The following PDS5A variants were observed in gnomAD, a reference collection of about 807,000 sequenced individuals.
PDS5A encodes the protein sister chromatid cohesion protein PDS5 homolog A.
PDS5A carries 42 observed loss-of-function variants against 167.1 expected under a neutral mutation model. The ratio of observed to expected loss-of-function variants is 0.25; its 90% confidence interval spans 0.20 to 0.33. The LOEUF is 0.33. PDS5A is among the 10% of genes least tolerant of loss of function. The pLI is 1.00. For missense variants in PDS5A, 1,033 were observed against 1,605.9 expected (o/e 0.64, Z 6.10); for synonymous variants, 553 against 554.6 (o/e 1.00, Z 0.04).
chr4:39,918,531 T>C (rs1211068242), intron 7 of PDS5A, among the ~76,000 whole-genome samples: 1 of 152,090 alleles, frequency 6.6e-6, no homozygotes, highest in Non-Finnish European at 1.5e-5. Flanking sequence ...GTATCATAAG[T>C]TGAAAAGCAG....
chr4:39,912,756 GA>G (rs1724003054), intron 9 of PDS5A, among the ~76,000 whole-genome samples: 3 of 152,262 alleles, frequency 2.0e-5, no homozygotes, highest in Admixed American at 1.3e-4. Context: ...GAAATTTAAT[GA>G]ATTTCATAAA....
At chr4:39,825,893 A>G (rs907290045) in intron 32 of PDS5A, among the ~76,000 whole-genome samples, 1 of 152,166 alleles carries the variant, frequency 6.6e-6, no homozygotes, top group Non-Finnish European at 1.5e-5. Flanking sequence ...GGCATGAGTC[A>G]CTGTGCTTGG....
intron 32 of PDS5A, among the ~76,000 whole-genome samples, chr4:39,833,839 G>T (rs1716145286): frequency 6.6e-6 from 1 of 152,174 alleles, no homozygotes; most frequent in Non-Finnish European, 1.5e-5. Context: ...ATTTCAACTG[G>T]TTCAGCTTAC....
At chr4:39,912,513 G>A (rs1213915879) in intron 9 of PDS5A, among the ~76,000 whole-genome samples, 1 of 152,162 alleles carries the variant, frequency 6.6e-6, no homozygotes, top group Non-Finnish European at 1.5e-5. Context: ...AAAATGGCGT[G>A]TTCTGGGCAA....
chr4:39,938,112 CT>C (rs1336573382), intron 2 of PDS5A, among the ~76,000 whole-genome samples: 4 of 152,204 alleles, frequency 2.6e-5, no homozygotes, highest in Non-Finnish European at 5.9e-5. Context: ...CTATACCTCA[CT>C]TTCGTTTTCT....
At chr4:39,850,324 C>T (rs1718019079) in intron 26 of PDS5A, among the ~76,000 whole-genome samples, 3 of 148,706 alleles carry the variant, frequency 2.0e-5, no homozygotes, top group Admixed American at 2.0e-4. Flanking sequence ...CCCATCTCTA[C>T]AAAAAAAATA....
intron 31 of PDS5A, among the ~76,000 whole-genome samples, chr4:39,840,044 A>G (rs542453712): frequency 1.1e-4 from 17 of 152,184 alleles, no homozygotes; most frequent in African/African-American, 4.1e-4. Flanking sequence ...CAGTGAGCTG[A>G]GATTGTGCCA....
rs550035599 is a variant in PDS5A, at chr4:39,931,374, A to G, written c.139-3210T>C. Among the ~76,000 whole-genome samples the G allele has an allele frequency of 8.5e-5, 13 of 152,282 alleles. No homozygotes were observed. In the East Asian group the frequency reaches 2.1e-3, roughly 25 times the overall value. ...CCCCAAAACTCAGTGCCTTAAAACA[A>G]TAACATGTATTTATCATATGTGGTT... On this transcript the variant is annotated intron_variant, in intron 2 of 32. Transcript: ENST00000303538.
At chr4:39,973,260 T>C (rs1454677351) in intron 2 of PDS5A, 29 of 1,565,800 alleles carry the variant, frequency 1.9e-5, no homozygotes, top group Non-Finnish European at 2.6e-5. Flanking sequence ...ATATGAACAT[T>C]TGCTTTTGCT....
intron 2 of PDS5A, among the ~76,000 whole-genome samples, chr4:39,962,623 G>T (rs1729593853): frequency 6.6e-6 from 1 of 151,546 alleles, no homozygotes; most frequent in African/African-American, 2.4e-5. Context: ...GGCCAACATG[G>T]TGAAACCCCG....
At position 39,908,434 on chromosome 4, in the gene PDS5A, C is replaced by G; in HGVS notation, c.1194G>C (p.Gln398His). 1 of 1,613,260 alleles carries G rather than the reference C, an allele frequency of 6.2e-7. No individual in the cohort carries two copies. The highest frequency in any genetic ancestry group is 8.5e-7 in the Non-Finnish European group (1 of 1,179,282). The change falls in exon 11 of 33, where the codon CAG becomes CAC. Residue 398 changes from glutamine to histidine, a missense_variant. Transcript: ENST00000303538. ...AKRDLALVNDQLLGFVRERTL... is the reference protein window; with the variant it reads ...AKRDLALVNDHLLGFVRERTL... ...TTCTTTCCCTTACAAAGCCAAGCAGCTGATCATTTACTAAGGCCAGGTCCC... is the reference window on the plus strand; with the variant it reads ...TTCTTTCCCTTACAAAGCCAAGCAGGTGATCATTTACTAAGGCCAGGTCCC...
chr4:39,906,815 A>AT lies in PDS5A; in HGVS notation c.1233+1579dup, dbSNP rs965541378. On this transcript the variant is annotated intron_variant, in intron 11 of 32. Coordinates refer to ENST00000303538, the MANE Select transcript of PDS5A (RefSeq NM_001100399.2). ...TATTTAAGTCAATACTTCTTTATAAATTTTTTTGTATCATTTTCTCATTTT... is the reference window on the plus strand; with the variant it reads ...TATTTAAGTCAATACTTCTTTATAAATTTTTTTTGTATCATTTTCTCATTTT... 2.0e-5 allele frequency among the ~76,000 whole-genome samples: 3 copies of AT among 149,516 alleles called. No homozygotes were observed. The East Asian group carries it at 5.9e-4, about 29-fold the overall frequency.
At chr4:39,895,311 T>C (rs892663046) in intron 16 of PDS5A, among the ~76,000 whole-genome samples, 4 of 151,998 alleles carry the variant, frequency 2.6e-5, no homozygotes, top group Non-Finnish European at 4.4e-5. Flanking sequence ...ACTTCTATGC[T>C]ACAAAATTGT....
chr4:39,840,691 G>A (rs1340107077), intron 31 of PDS5A, among the ~76,000 whole-genome samples: 1 of 151,938 alleles, frequency 6.6e-6, no homozygotes, highest in Non-Finnish European at 1.5e-5. Flanking sequence ...CCACTGCGCC[G>A]GGTCGCCTCC....
In PDS5A at chr4:39,925,939, A is replaced by G. The variant is rs1215554070; in HGVS notation, c.430-6T>C. The G allele has an allele frequency of 9.8e-7, 1 of 1,021,736 alleles. No individual in the cohort carries two copies. 63.3% of individuals were successfully genotyped at this position (1,021,736 alleles called of 1,614,324 possible). A position where few individuals can be genotyped will look rare whatever the true frequency, so the allele number is the denominator to read the frequency against. On this transcript the variant is annotated splice_polypyrimidine_tract_variant and splice_region_variant and intron_variant, in intron 4 of 32. Coordinates refer to ENST00000303538, the MANE Select transcript of PDS5A (RefSeq NM_001100399.2). Reference sequence around the variant, plus strand: ...GATTTAACCCAAGCTAAATTCTTAAATAAATAAAAATAATTATTGAATTAT... The same window carrying G: ...GATTTAACCCAAGCTAAATTCTTAAGTAAATAAAAATAATTATTGAATTAT...
chr4:39,956,139 T>A (rs1269040487), intron 2 of PDS5A, among the ~76,000 whole-genome samples: 2 of 151,202 alleles, frequency 1.3e-5, no homozygotes, highest in Non-Finnish European at 2.9e-5. Flanking sequence ...AGAACAATTT[T>A]AAAAAACAGT....
At chr4:39,949,964 G>A (rs774831429) in intron 2 of PDS5A, among the ~76,000 whole-genome samples, 3 of 152,068 alleles carry the variant, frequency 2.0e-5, no homozygotes, top group Non-Finnish European at 4.4e-5. Flanking sequence ...GGAGTGTAAT[G>A]GCATGATCTC....
chr4:39,969,656 A>C (rs1484181819), intron 2 of PDS5A, among the ~76,000 whole-genome samples: 2 of 150,560 alleles, frequency 1.3e-5, no homozygotes, highest in Non-Finnish European at 2.9e-5. Context: ...ACAAGAGCAA[A>C]ACTTGGTCTC....
chr4:39,960,649 C>T (rs1337706308), intron 2 of PDS5A, among the ~76,000 whole-genome samples: 2 of 151,942 alleles, frequency 1.3e-5, no homozygotes, highest in Non-Finnish European at 2.9e-5. Flanking sequence ...CCACCTCAGC[C>T]TCCCAAGTAG....
Sources: gnomAD v4.1 joint callset for allele counts (sites outside exome capture counted in the v4.1 genomes callset) on GRCh38, gnomAD v4.1.1 for gene constraint, MANE v1.5 for transcripts, NCBI Gene and HGNC (gene_info 2026-07-23, HGNC 2026-07-21) for gene names.